FRMD4A: variants seen among roughly 807,000 people sequenced by gnomAD.
FRMD4A encodes the protein FERM domain containing 4A, also known as FERM domain-containing protein 4A.
In FRMD4A, 29 loss-of-function variants were observed where a neutral mutation model predicts 129.1. That is an observed-to-expected ratio of 0.22 (90% CI 0.17 to 0.31). The LOEUF is 0.31. Ranked by LOEUF, FRMD4A falls within the 10% of genes least tolerant of loss-of-function variation. The pLI is 1.00. For missense variants in FRMD4A, 1,272 were observed against 1,375.8 expected, an observed-to-expected ratio of 0.92 and a Z score of 1.19; for synonymous variants, 634 against 571.6, an observed-to-expected ratio of 1.11 and a Z score of -1.56.
chr10:13,804,748 T>TG (rs367880030), intron 4 of FRMD4A, among the ~76,000 whole-genome samples: 3,112 of 144,180 alleles, frequency 0.022, 102 homozygotes, highest in African/African-American at 0.073. Context: ...TTAGTAGAGA[T>TG]GGGGTTTCAC....
At chr10:14,140,437 A>G (rs1271609076) in intron 2 of FRMD4A, among the ~76,000 whole-genome samples, 1 of 152,218 alleles carries the variant, frequency 6.6e-6, no homozygotes, top group Non-Finnish European at 1.5e-5. Flanking sequence ...TGTACACATT[A>G]TTGAATACTC....
At chr10:13,849,758 T>C (rs1206135503) in intron 3 of FRMD4A, among the ~76,000 whole-genome samples, 2 of 148,008 alleles carry the variant, frequency 1.4e-5, no homozygotes, top group Non-Finnish European at 3.0e-5. Context: ...GGATTACAGG[T>C]GTGAGCCACA....
chr10:14,235,592 C>A (rs1408583189), intron 2 of FRMD4A, among the ~76,000 whole-genome samples: 1 of 152,186 alleles, frequency 6.6e-6, no homozygotes, highest in Non-Finnish European at 1.5e-5. Context: ...GTGTTTGTTA[C>A]TGAACACTTG....
chr10:14,191,564 C>T (rs982841832), intron 2 of FRMD4A, among the ~76,000 whole-genome samples: 1 of 152,182 alleles, frequency 6.6e-6, no homozygotes, highest in African/African-American at 2.4e-5. Context: ...TGTGACTACA[C>T]AAGAGAACAA....
At chr10:14,185,546 A>G (rs571667378) in intron 2 of FRMD4A, among the ~76,000 whole-genome samples, 12 of 152,356 alleles carry the variant, frequency 7.9e-5, no homozygotes, top group African/African-American at 1.7e-4. Flanking sequence ...AACTTGAAAC[A>G]TAAAGCAAGA....
chr10:14,081,507 C>T (rs1390717264), intron 2 of FRMD4A, among the ~76,000 whole-genome samples: 6 of 152,130 alleles, frequency 3.9e-5, no homozygotes, highest in Non-Finnish European at 5.9e-5. Context: ...AGGAACTTAA[C>T]TTCTCATCTA....
At chr10:14,169,320 T>A (rs953537065) in intron 2 of FRMD4A, among the ~76,000 whole-genome samples, 1 of 152,126 alleles carries the variant, frequency 6.6e-6, no homozygotes, top group Admixed American at 6.5e-5. Context: ...TTATTTACCA[T>A]CCCTAGTGTA....
chr10:14,045,269 C>T (rs1366371212), intron 2 of FRMD4A, among the ~76,000 whole-genome samples: 1 of 152,172 alleles, frequency 6.6e-6, no homozygotes, highest in Non-Finnish European at 1.5e-5. Flanking sequence ...TCCTTCAGCA[C>T]ACCTTTGCCT....
chr10:14,092,930 G>A (rs748967295), intron 2 of FRMD4A, among the ~76,000 whole-genome samples: 10 of 152,206 alleles, frequency 6.6e-5, no homozygotes, highest in Non-Finnish European at 1.5e-5. Flanking sequence ...CCAGGAATGC[G>A]GAGCAGTCCA....
chr10:14,035,064 C>T (rs527735950), intron 2 of FRMD4A, among the ~76,000 whole-genome samples: 1 of 152,086 alleles, frequency 6.6e-6, no homozygotes, highest in African/African-American at 2.4e-5. Flanking sequence ...AAATTAAATA[C>T]CGGGGGGACC....
chr10:14,012,526 G>A (rs765129594), intron 2 of FRMD4A, among the ~76,000 whole-genome samples: 3 of 152,176 alleles, frequency 2.0e-5, no homozygotes, highest in African/African-American at 4.8e-5. Context: ...ATGTTCCATT[G>A]GAGAGAGAAC....
At chr10:14,267,624 T>C (rs1413861934) in intron 2 of FRMD4A, among the ~76,000 whole-genome samples, 1 of 152,240 alleles carries the variant, frequency 6.6e-6, no homozygotes, top group Non-Finnish European at 1.5e-5. Flanking sequence ...CAATTAGGAA[T>C]TCATTTAGAA....
intron 2 of FRMD4A, among the ~76,000 whole-genome samples, chr10:14,154,129 T>TA (rs945460581): frequency 6.6e-6 from 1 of 152,102 alleles, no homozygotes; most frequent in African/African-American, 2.4e-5. Flanking sequence ...CCCGATAGGT[T>TA]AGGCAGGGAG....
At chr10:13,654,029 T>C in intron 23 of FRMD4A, 1 of 383,342 alleles carries the variant, frequency 2.6e-6, no homozygotes. Flanking sequence ...CCCAGTGTAT[T>C]TGCTGTCTTC....
chr10:13,913,819 T>A (rs2094969721), intron 2 of FRMD4A, among the ~76,000 whole-genome samples: 1 of 152,226 alleles, frequency 6.6e-6, no homozygotes, highest in Admixed American at 6.5e-5. Context: ...CCTGTACTGC[T>A]GAAGTTGGCA....
intron 3 of FRMD4A, among the ~76,000 whole-genome samples, chr10:13,857,685 G>A (rs887375119): frequency 1.3e-5 from 2 of 152,134 alleles, no homozygotes; most frequent in Admixed American, 1.3e-4. Context: ...TGAGCAGATG[G>A]CATCCTCTCA....
intron 2 of FRMD4A, among the ~76,000 whole-genome samples, chr10:13,918,885 C>G (rs2095039253): frequency 6.6e-6 from 1 of 150,528 alleles, no homozygotes; most frequent in South Asian, 2.1e-4. Flanking sequence ...AAAAAAAAAG[C>G]TTTCAAATAC....
intron 2 of FRMD4A, among the ~76,000 whole-genome samples, chr10:14,328,927 C>A (rs1295281868): frequency 6.6e-6 from 1 of 152,154 alleles, no homozygotes; most frequent in Non-Finnish European, 1.5e-5. Context: ...TCCTACTCCC[C>A]CAGTGAAATG....
At chr10:13,799,247 C>T (rs1264775268) in intron 4 of FRMD4A, among the ~76,000 whole-genome samples, 1 of 152,210 alleles carries the variant, frequency 6.6e-6, no homozygotes, top group Non-Finnish European at 1.5e-5. Context: ...AACCTCCGCC[C>T]TCCGGGTTCA....
Sources: gnomAD v4.1 joint callset for allele counts (sites outside exome capture counted in the v4.1 genomes callset) on GRCh38, gnomAD v4.1.1 for gene constraint, MANE v1.5 for transcripts, NCBI Gene and HGNC (gene_info 2026-07-23, HGNC 2026-07-21) for gene names.